IGF1R: variants seen among roughly 807,000 people sequenced by gnomAD.
The protein encoded by IGF1R is insulin like growth factor 1 receptor.
A neutral mutation model predicts 144.6 loss-of-function variants in IGF1R; 44 were observed. The ratio of observed to expected loss-of-function variants is 0.30; its 90% CI spans 0.24 to 0.39. The LOEUF is 0.39. IGF1R is among the 10% of genes least tolerant of loss of function. The probability of loss-of-function intolerance (pLI) is 1.00; values close to 1 mark genes in which losing one functional copy is unlikely to be tolerated. For missense variants in IGF1R, 1,355 were observed against 1,833.7 expected (o/e 0.74, Z 4.77); for synonymous variants, 795 against 722.8 (o/e 1.10, Z -1.60).
intron 2 of IGF1R, among the ~76,000 whole-genome samples, chr15:98,848,684 A>T (rs2011428278): frequency 6.6e-6 from 1 of 152,148 alleles, no homozygotes; most frequent in Non-Finnish European, 1.5e-5. Context: ...CTTGATTAGG[A>T]TCTCAACCTC....
intron 2 of IGF1R, among the ~76,000 whole-genome samples, chr15:98,714,137 T>TGGCATCTCACTGAC (rs1455629720): frequency 6.6e-6 from 1 of 151,984 alleles, no homozygotes; most frequent in Non-Finnish European, 1.5e-5. Context: ...ATCTCACTGA[T>TGGCATCTCACTGAC]GGCATCTCAC....
chr15:98,932,788 G>T (rs1361033394), intron 15 of IGF1R, among the ~76,000 whole-genome samples: 1 of 152,160 alleles, frequency 6.6e-6, no homozygotes, highest in Admixed American at 6.5e-5. Flanking sequence ...TTCCATTCGT[G>T]AAACCCTTGA....
chr15:98,915,852 A>G, intron 8 of IGF1R, 112 bp from the exon 9 acceptor site: 1 of 942,986 alleles, frequency 1.1e-6, no homozygotes, highest in Non-Finnish European at 1.8e-6. Context: ...GTTCATTGTT[A>G]TTTTCTTATC....
intron 5 of IGF1R, among the ~76,000 whole-genome samples, chr15:98,903,890 A>G (rs532684313): frequency 6.6e-6 from 1 of 152,308 alleles, no homozygotes; most frequent in East Asian, 1.9e-4. Flanking sequence ...AAAACTATAG[A>G]GACAGAAAGC....
chr15:98,711,975 G>A (rs1026262174), intron 2 of IGF1R, among the ~76,000 whole-genome samples: 3 of 152,020 alleles, frequency 2.0e-5, no homozygotes, highest in Non-Finnish European at 2.9e-5. Flanking sequence ...TTTTTCTGGC[G>A]TCTTTTTTAT....
At chr15:98,715,156 G>T (rs1041175023) in intron 2 of IGF1R, among the ~76,000 whole-genome samples, 5 of 152,184 alleles carry the variant, frequency 3.3e-5, no homozygotes, top group Admixed American at 6.5e-5. Context: ...ATAGTCAGGC[G>T]TGGAGCTCAC....
chr15:98,875,330 CTTTCT>C (rs1555455548), intron 2 of IGF1R, among the ~76,000 whole-genome samples: 74 of 142,288 alleles, frequency 5.2e-4, no homozygotes, highest in Admixed American at 1.6e-3. Flanking sequence ...TAGTTTCTTT[CTTTCT>C]TTTCTTTTCT....
Position 98,913,215 on chromosome 15 carries a change from C to A in IGF1R, c.1761C>A (p.Thr587=). The A allele has an allele frequency of 6.2e-7, 1 of 1,614,248 alleles. No individual in the cohort carries two copies. The highest frequency in any genetic ancestry group is 1.1e-5 in the South Asian group (1 of 91,092). Residue 587 remains threonine (T), a synonymous_variant, in exon 8 of 21, where the codon ACC becomes ACA. Transcript: ENST00000650285. ...YAVYVKAVTL[T]MVENDHIRGA... ...TTTACGTCAAGGCTGTGACCCTCACCATGGTGGAGAACGACCATATCCGTG... is the reference window on the plus strand; with the variant it reads ...TTTACGTCAAGGCTGTGACCCTCACAATGGTGGAGAACGACCATATCCGTG...
chr15:98,799,825 C>T (rs181870836), intron 2 of IGF1R, among the ~76,000 whole-genome samples: 10 of 152,198 alleles, frequency 6.6e-5, no homozygotes, highest in Non-Finnish European at 2.9e-5. Flanking sequence ...TTCAAGGTTT[C>T]GAAGCCTTGT....
intron 1 of IGF1R, among the ~76,000 whole-genome samples, chr15:98,650,412 G>T (rs2052329729): frequency 6.6e-6 from 1 of 152,232 alleles, no homozygotes; most frequent in Non-Finnish European, 1.5e-5. Context: ...AGCCCCCCGG[G>T]AAGTGCGAGG....
chr15:98,707,481 A>T lies in IGF1R; in HGVS notation c.95-81A>T. On this transcript the variant is annotated intron_variant, in intron 1 of 20. Transcript: ENST00000650285. The surrounding 1 kb of genome is among the most constrained non-coding windows in gnomAD (Gnocchi z 6.7). ...TAATAATAATACAGGATTCCTGAAA[A>T]CCAACTGTATTATTGTTTGGAAAAT... 1 of 1,354,200 alleles carries T rather than the reference A, an allele frequency of 7.4e-7. No homozygotes were observed. The highest frequency in any genetic ancestry group is 1.0e-6 in the Non-Finnish European group (1 of 965,296). 83.9% of individuals were successfully genotyped at this position (1,354,200 alleles called of 1,614,324 possible).
chr15:98,898,611 T>G (rs1369741198), intron 4 of IGF1R, among the ~76,000 whole-genome samples: 3 of 152,258 alleles, frequency 2.0e-5, no homozygotes, highest in Non-Finnish European at 2.9e-5. Context: ...TTTAGTACCC[T>G]TATTATTTTA....
At chr15:98,812,761 T>C (rs1330914365) in intron 2 of IGF1R, among the ~76,000 whole-genome samples, 1 of 152,198 alleles carries the variant, frequency 6.6e-6, no homozygotes, top group Non-Finnish European at 1.5e-5. Context: ...TGCCCCCAAC[T>C]TTTATCTTGG....
intron 2 of IGF1R, among the ~76,000 whole-genome samples, chr15:98,773,478 C>G (rs1353754306): frequency 6.6e-6 from 1 of 152,180 alleles, no homozygotes; most frequent in Non-Finnish European, 1.5e-5. Context: ...AGTTTCAGCA[C>G]AAGGATTAAC....
At chr15:98,860,233 C>G (rs750308073) in intron 2 of IGF1R, among the ~76,000 whole-genome samples, 12 of 152,256 alleles carry the variant, frequency 7.9e-5, no homozygotes, top group Non-Finnish European at 1.2e-4. Flanking sequence ...TTCAGTTGCT[C>G]ATATCCAAAA....
At chr15:98,703,513 A>T (rs974108414) in intron 1 of IGF1R, among the ~76,000 whole-genome samples, 4 of 152,256 alleles carry the variant, frequency 2.6e-5, no homozygotes, top group African/African-American at 9.6e-5. Flanking sequence ...GCTCCAAAAC[A>T]GCTGGTTCCT....
At chr15:98,833,801 T>A (rs1211976829) in intron 2 of IGF1R, among the ~76,000 whole-genome samples, 4 of 152,252 alleles carry the variant, frequency 2.6e-5, no homozygotes, top group Non-Finnish European at 4.4e-5. Flanking sequence ...TTGCTTTTTT[T>A]ATTAAAAAGT....
At chr15:98,721,637 C>T (rs1313012919) in intron 2 of IGF1R, among the ~76,000 whole-genome samples, 2 of 152,180 alleles carry the variant, frequency 1.3e-5, no homozygotes, top group Non-Finnish European at 2.9e-5. Flanking sequence ...GAGGGAGCAC[C>T]TGTTTACATT....
At chr15:98,810,486 T>G (rs2056561976) in intron 2 of IGF1R, among the ~76,000 whole-genome samples, 1 of 152,206 alleles carries the variant, frequency 6.6e-6, no homozygotes, top group African/African-American at 2.4e-5. Context: ...GTCTTTCTCT[T>G]TGTACCATAC....
Sources: gnomAD v4.1 joint callset for allele counts (sites outside exome capture counted in the v4.1 genomes callset) on GRCh38, gnomAD v4.1.1 for gene constraint, Gnocchi (gnomAD v3.1) non-coding constraint, MANE v1.5 for transcripts, NCBI Gene and HGNC (gene_info 2026-07-23, HGNC 2026-07-21) for gene names.